DLGAP1: variants seen among roughly 807,000 people sequenced by gnomAD.
DLGAP1 encodes DLG associated protein 1, also known as disks large-associated protein 1.
In DLGAP1, 11 loss-of-function variants were observed where a neutral mutation model predicts 90.8. That is an observed-to-expected ratio of 0.12 (90% CI 0.08 to 0.20). The LOEUF (loss-of-function observed/expected upper bound fraction) is 0.20. Among genes scored for constraint, DLGAP1 ranks in the 10% least tolerant of loss-of-function variants. The probability of loss-of-function intolerance (pLI) is 1.00; values close to 1 mark genes in which losing one functional copy is unlikely to be tolerated. For synonymous variants in DLGAP1, 558 were observed against 540.7 expected (o/e 1.03, Z -0.44); for missense variants, 1,050 against 1,333.8 (o/e 0.79, Z 3.31).
chr18:4,429,123 T>G (rs1290626190), intron 1 of DLGAP1, among the ~76,000 whole-genome samples: 1 of 152,216 alleles, frequency 6.6e-6, no homozygotes, highest in Non-Finnish European at 1.5e-5. Context: ...GAAATCTATT[T>G]AGGTCAGTAT....
intron 3 of DLGAP1, among the ~76,000 whole-genome samples, chr18:3,910,080 C>G (rs1006687586): frequency 2.0e-4 from 30 of 150,728 alleles, no homozygotes; most frequent in African/African-American, 7.3e-4. Flanking sequence ...TGATTAAAAA[C>G]TTTTACAAGT....
rs868414095 is a variant in DLGAP1, at chr18:4,383,167, A to T, written c.-267+71839T>A. Among the ~76,000 whole-genome samples, 9 of 152,192 alleles carry T rather than the reference A, an allele frequency of 5.9e-5. No individual in the cohort carries two copies. Among genetic ancestry groups the T allele is most frequent in the Non-Finnish European group, 7.3e-5 (5 of 68,028 alleles). On this transcript the variant is annotated intron_variant, in intron 1 of 12. Transcript: ENST00000315677. This position sits in a 1 kb window ranked among gnomAD's most constrained non-coding sequence, Gnocchi z 4.0. ...TAAATGTCCTAAGAATTACTGCATC[A>T]TTATCCAGATAGAACAAAAGCACAA...
intron 9 of DLGAP1, among the ~76,000 whole-genome samples, chr18:3,541,579 C>T (rs2052694875): frequency 6.6e-6 from 1 of 152,228 alleles, no homozygotes; most frequent in African/African-American, 2.4e-5. Context: ...TTTTTGATTG[C>T]CAAAGGTCTT....
chr18:3,739,941 T>C (rs902887472), intron 6 of DLGAP1, among the ~76,000 whole-genome samples: 2 of 152,162 alleles, frequency 1.3e-5, no homozygotes, highest in African/African-American at 4.8e-5. Context: ...GCATTACTTC[T>C]CCCATGTGTC....
chr18:4,310,651 C>A (rs768851871), intron 1 of DLGAP1, among the ~76,000 whole-genome samples: 2 of 152,222 alleles, frequency 1.3e-5, no homozygotes, highest in East Asian at 3.9e-4. Context: ...GAACAAGAAC[C>A]CTCTTATTCC....
At chr18:3,574,485 T>A (rs1277421223) in intron 8 of DLGAP1, among the ~76,000 whole-genome samples, 1 of 152,220 alleles carries the variant, frequency 6.6e-6, no homozygotes, top group Non-Finnish European at 1.5e-5. Flanking sequence ...TTTAATATTT[T>A]CAAATGGTTA....
intron 7 of DLGAP1, chr18:3,721,709 C>G (rs904649985): frequency 1.9e-4 from 29 of 152,020 alleles, no homozygotes; most frequent in Non-Finnish European, 2.4e-4. Context: ...AGCTCCTAGG[C>G]CTTTTATTCT....
At chr18:4,207,688 G>A (rs972927220) in intron 1 of DLGAP1, among the ~76,000 whole-genome samples, 6 of 152,066 alleles carry the variant, frequency 3.9e-5, no homozygotes, top group Non-Finnish European at 8.8e-5. Flanking sequence ...TCTGCCTCTG[G>A]ATCCACCCGC....
chr18:3,692,476 GC>G (rs1410292655), intron 7 of DLGAP1, among the ~76,000 whole-genome samples: 1 of 152,104 alleles, frequency 6.6e-6, no homozygotes, highest in African/African-American at 2.4e-5. Flanking sequence ...GTACACAATG[GC>G]CTACCTTCAC....
intron 5 of DLGAP1, among the ~76,000 whole-genome samples, chr18:3,776,461 T>C (rs1347807821): frequency 6.6e-6 from 1 of 152,122 alleles, no homozygotes; most frequent in Non-Finnish European, 1.5e-5. Flanking sequence ...TCAGTCTAGA[T>C]CCAAGAGACC....
chr18:4,150,919 C>T (rs1280817334), intron 2 of DLGAP1, among the ~76,000 whole-genome samples: 2 of 152,094 alleles, frequency 1.3e-5, no homozygotes, highest in Non-Finnish European at 2.9e-5. Context: ...CCCAATATGC[C>T]GTTCCAGATT....
intron 2 of DLGAP1, among the ~76,000 whole-genome samples, chr18:4,145,943 A>G (rs2076578937): frequency 6.6e-6 from 1 of 152,190 alleles, no homozygotes; most frequent in Admixed American, 6.5e-5. Flanking sequence ...TGAAACCATC[A>G]GCAATGTATA....
chr18:3,758,090 G>A (rs1477918387), intron 5 of DLGAP1, among the ~76,000 whole-genome samples: 2 of 146,268 alleles, frequency 1.4e-5, no homozygotes, highest in African/African-American at 5.1e-5. Context: ...CTGGGTGACA[G>A]AGCGAGACTC....
chr18:3,922,741 C>T (rs1047852324), intron 3 of DLGAP1, among the ~76,000 whole-genome samples: 1 of 152,064 alleles, frequency 6.6e-6, no homozygotes, highest in African/African-American at 2.4e-5. Context: ...CATATATATC[C>T]ATTTCCATGA....
At chr18:4,178,208 C>T (rs1415437482) in intron 1 of DLGAP1, among the ~76,000 whole-genome samples, 2 of 107,904 alleles carry the variant, frequency 1.9e-5, no homozygotes, top group Non-Finnish European at 3.7e-5. Flanking sequence ...AATAAACACA[C>T]ACACACACAC....
chr18:3,933,464 C>T (rs796613765), intron 3 of DLGAP1, among the ~76,000 whole-genome samples: 7 of 152,332 alleles, frequency 4.6e-5, no homozygotes, highest in African/African-American at 1.7e-4. Context: ...TTGGTAATTT[C>T]ACAGCCAATT....
Position 4,042,633 on chromosome 18 carries a change from G to A in DLGAP1, c.-158-37432C>T, listed in dbSNP as rs536990950. 4.0e-4 allele frequency among the ~76,000 whole-genome samples: 61 copies of A among 152,240 alleles called. 1 individual carries two copies. In the South Asian group the frequency reaches 8.7e-3, roughly 22 times the overall value. ...CGTGCGCCTGTAGTCCTAGCTGTTC[G>A]GGAGGCTGAGGCAGGAGAATTGCTT... On this transcript the variant is annotated intron_variant, in intron 2 of 12. Transcript: ENST00000315677.
chr18:3,543,264 G>A (rs558388232), intron 9 of DLGAP1, among the ~76,000 whole-genome samples: 11 of 143,788 alleles, frequency 7.7e-5, no homozygotes, highest in Admixed American at 2.2e-4. Flanking sequence ...TCCGCCTCCC[G>A]CGTTCACGCC....
chr18:3,845,330 C>T, intron 4 of DLGAP1: 2 of 1,585,308 alleles, frequency 1.3e-6, no homozygotes, highest in Non-Finnish European at 1.7e-6. Context: ...GAGCATTTAG[C>T]TTCTCTCTAT....
Sources: allele counts gnomAD v4.1 joint callset (sites outside exome capture counted in the v4.1 genomes callset), GRCh38; gene constraint gnomAD v4.1.1; non-coding constraint Gnocchi (gnomAD v3.1); transcripts MANE v1.5; gene names NCBI Gene and HGNC (gene_info 2026-07-23, HGNC 2026-07-21).